Variants in KCNQ5 observed in about 807,000 individuals in gnomAD.
KCNQ5 encodes the protein potassium voltage-gated channel subfamily KQT member 5.
A neutral mutation model predicts 98.2 loss-of-function variants in KCNQ5; 30 were observed. The observed-to-expected ratio is 0.31, with a 90% confidence interval of 0.23 to 0.41. The LOEUF (loss-of-function observed/expected upper bound fraction) is 0.41, where lower values mean the gene tolerates loss of function less well. Among genes scored for constraint, KCNQ5 ranks in the 10% least tolerant of loss-of-function variants. The pLI is 1.00. For synonymous variants in KCNQ5, 458 were observed against 449.4 expected (o/e 1.02, Z -0.24); for missense variants, 835 against 1,182.5 (o/e 0.71, Z 4.31).
intron 1 of KCNQ5, among the ~76,000 whole-genome samples, chr6:72,970,565 G>A (rs987184961): frequency 6.6e-6 from 1 of 152,140 alleles, no homozygotes; most frequent in Admixed American, 6.5e-5. Flanking sequence ...AAAGAACAAA[G>A]CTGGAGGCAT....
intron 1 of KCNQ5, among the ~76,000 whole-genome samples, chr6:72,731,746 C>T (rs1011611065): frequency 6.6e-6 from 1 of 152,332 alleles, no homozygotes. Flanking sequence ...CAAGAGGTTG[C>T]TCCCAACAAT....
chr6:72,867,122 T>C (rs906117512), intron 1 of KCNQ5, among the ~76,000 whole-genome samples: 3 of 152,218 alleles, frequency 2.0e-5, no homozygotes, highest in Non-Finnish European at 2.9e-5. Flanking sequence ...AGTTTGAAAT[T>C]ATGTATGGGA....
rs183871016 is a variant in KCNQ5, at chr6:72,859,717, G to A, written c.399-144191G>A. Among the ~76,000 whole-genome samples the A allele has an allele frequency of 1.7e-3, 255 of 152,070 alleles. 1 individual carries two copies. Among genetic ancestry groups the A allele is most frequent in the African/African-American group, 5.7e-3 (237 of 41,476 alleles). Reference sequence around the variant, plus strand: ...CCATTTCAGCCTCCCAGATAGCTGGGACTACAGGCATGCACCACCACTCCG... The same window carrying A: ...CCATTTCAGCCTCCCAGATAGCTGGAACTACAGGCATGCACCACCACTCCG... On this transcript the variant is annotated intron_variant, in intron 1 of 13. Coordinates refer to ENST00000370398, the MANE Select transcript of KCNQ5 (RefSeq NM_019842.4).
Position 72,791,434 on chromosome 6 carries a change from C to T in KCNQ5, c.398+168847C>T, listed in dbSNP as rs1179070983. Among the ~76,000 whole-genome samples the T allele has an allele frequency of 2.0e-5, 3 of 152,116 alleles. No homozygotes were observed. The East Asian group carries it at 5.8e-4, about 29-fold the overall frequency. On this transcript the variant is annotated intron_variant, in intron 1 of 13. Transcript: ENST00000370398. The stretch of plus-strand genomic sequence containing the variant: ...TCCTACCCAATGCCCTCCCCCTCAC[C>T]CCAAGCACACACATGGAACTTGGGA...
chr6:72,808,773 C>G (rs1775078942), intron 1 of KCNQ5, among the ~76,000 whole-genome samples: 1 of 151,942 alleles, frequency 6.6e-6, no homozygotes. Flanking sequence ...ATAGTGAAAC[C>G]CAGTCTCTAC....
chr6:72,790,296 C>T (rs1398636126), intron 1 of KCNQ5, among the ~76,000 whole-genome samples: 1 of 152,144 alleles, frequency 6.6e-6, no homozygotes, highest in East Asian at 1.9e-4. Flanking sequence ...GAAGCCATAT[C>T]CAACATCACT....
At chr6:72,829,258 T>C (rs1424096572) in intron 1 of KCNQ5, among the ~76,000 whole-genome samples, 1 of 152,156 alleles carries the variant, frequency 6.6e-6, no homozygotes, top group Non-Finnish European at 1.5e-5. Context: ...CTGTATGTTC[T>C]TGAAATCTGG....
At chr6:73,060,204 G>A (rs768165981) in intron 3 of KCNQ5, among the ~76,000 whole-genome samples, 1 of 151,606 alleles carries the variant, frequency 6.6e-6, no homozygotes, top group Non-Finnish European at 1.5e-5. Flanking sequence ...TTTCCTCCAA[G>A]ACTCTGCCAA....
At chr6:72,786,081 T>C (rs569862185) in intron 1 of KCNQ5, among the ~76,000 whole-genome samples, 2 of 152,332 alleles carry the variant, frequency 1.3e-5, no homozygotes, top group African/African-American at 4.8e-5. Flanking sequence ...TGCAAAATAT[T>C]ACTATTTTGA....
chr6:72,668,891 AG>A (rs924167232), intron 1 of KCNQ5, among the ~76,000 whole-genome samples: 2 of 151,898 alleles, frequency 1.3e-5, no homozygotes, highest in Non-Finnish European at 2.9e-5. Context: ...GATTATGGCC[AG>A]GCCCTAAAGA....
intron 2 of KCNQ5, among the ~76,000 whole-genome samples, chr6:73,041,156 T>C (rs1771668901): frequency 1.3e-5 from 2 of 152,168 alleles, no homozygotes; most frequent in Non-Finnish European, 2.9e-5. Context: ...AATGCTTTCG[T>C]TTTACAAATT....
chr6:73,192,473 G>A, intron 12 of KCNQ5, 92 bp from the exon 13 acceptor site: 1 of 1,113,292 alleles, frequency 9.0e-7, no homozygotes, highest in Middle Eastern at 2.4e-4. Context: ...GAAGATAACT[G>A]TATTTAATTT....
At chr6:73,156,079 T>C (rs1777351088) in intron 10 of KCNQ5, among the ~76,000 whole-genome samples, 1 of 152,194 alleles carries the variant, frequency 6.6e-6, no homozygotes, top group South Asian at 2.1e-4. Context: ...GTCTTTGGAC[T>C]AGCACATGTC....
intron 2 of KCNQ5, among the ~76,000 whole-genome samples, chr6:73,015,118 A>G (rs1217175784): frequency 6.6e-6 from 1 of 152,124 alleles, no homozygotes; most frequent in Non-Finnish European, 1.5e-5. Flanking sequence ...TAAAGGCAGT[A>G]ACGCAGTATG....
At chr6:73,045,939 AAC>A (rs1771938578) in intron 3 of KCNQ5, among the ~76,000 whole-genome samples, 1 of 152,164 alleles carries the variant, frequency 6.6e-6, no homozygotes, top group African/African-American at 2.4e-5. Flanking sequence ...TTGTTATTTT[AAC>A]AGTTTATTTT....
chr6:72,867,567 G>A (rs1414478664), intron 1 of KCNQ5, among the ~76,000 whole-genome samples: 1 of 152,186 alleles, frequency 6.6e-6, no homozygotes, highest in Non-Finnish European at 1.5e-5. Context: ...TCACAAAGAG[G>A]TATAGTTGAA....
At chr6:72,804,688 G>A (rs1277557785) in intron 1 of KCNQ5, among the ~76,000 whole-genome samples, 1 of 152,104 alleles carries the variant, frequency 6.6e-6, no homozygotes, top group Admixed American at 6.6e-5. Context: ...CCAGCAATGG[G>A]TTGCTGAATC....
chr6:73,139,079 A>T (rs1023065113), intron 10 of KCNQ5, among the ~76,000 whole-genome samples: 6 of 152,138 alleles, frequency 3.9e-5, no homozygotes, highest in Non-Finnish European at 7.3e-5. Flanking sequence ...GACTTTTTCC[A>T]TCTGTCTGCC....
chr6:72,713,555 C>T (rs1038901697), intron 1 of KCNQ5, among the ~76,000 whole-genome samples: 2 of 152,118 alleles, frequency 1.3e-5, no homozygotes, highest in Admixed American at 6.5e-5. Context: ...AGTTCTGGTG[C>T]CTCTGGCCTC....
Sources: allele counts gnomAD v4.1 joint callset (sites outside exome capture counted in the v4.1 genomes callset), GRCh38; gene constraint gnomAD v4.1.1; transcripts MANE v1.5; gene names NCBI Gene and HGNC (gene_info 2026-07-23, HGNC 2026-07-21).